The following CABIN1 variants were observed in gnomAD, a reference collection of about 807,000 sequenced individuals.
CABIN1 encodes calcineurin binding protein 1.
In CABIN1, 133 loss-of-function variants were observed where a neutral mutation model predicts 227.7. The ratio of observed to expected loss-of-function variants is 0.58; its 90% confidence interval spans 0.51 to 0.67. The LOEUF (loss-of-function observed/expected upper bound fraction) is 0.67. CABIN1 is among the 30% of genes least tolerant of loss of function. CABIN1 has a pLI of 0.00. For missense variants in CABIN1, 2,408 were observed against 2,852.5 expected (o/e 0.84, Z 3.55); for synonymous variants, 1,086 against 1,155.1 (o/e 0.94, Z 1.21).
intron 29 of CABIN1, among the ~76,000 whole-genome samples, chr22:24,147,953 G>A (rs2045253873): frequency 1.3e-5 from 2 of 152,310 alleles, no homozygotes; most frequent in South Asian, 2.1e-4. Flanking sequence ...GGAAAGCCTG[G>A]GCAAAGGCAG....
chr22:24,067,311 A>C (rs1236807459), intron 16 of CABIN1, 130 bp downstream of exon 16: 18 of 934,906 alleles, frequency 1.9e-5, no homozygotes, highest in Non-Finnish European at 3.1e-5. Context: ...CAAAACCACT[A>C]AGCCCCCAGG....
At chr22:24,156,812 G>T (rs1019923479) in intron 29 of CABIN1, among the ~76,000 whole-genome samples, 2 of 152,272 alleles carry the variant, frequency 1.3e-5, no homozygotes, top group East Asian at 3.9e-4. Flanking sequence ...TGGCGGCGGG[G>T]CTCTCCCATG....
rs372771026 is a variant in CABIN1, at chr22:24,119,482, A to G, written c.4416A>G (p.Ala1472=). The G allele has an allele frequency of 1.7e-5, 28 of 1,613,978 alleles. No individual in the cohort carries two copies. Among genetic ancestry groups the G allele is most frequent in the Non-Finnish European group, 1.5e-5 (18 of 1,180,026 alleles). Residue 1472 remains alanine (A), a synonymous_variant, in exon 28 of 37, where the codon GCA becomes GCG. Coordinates refer to ENST00000263119, the MANE Select transcript of CABIN1 (RefSeq NM_012295.4). ...ASACIPGKPS[A]STPTLWDGKK... The stretch of plus-strand genomic sequence containing the variant: ...CTTGCATCCCTGGCAAGCCCTCAGC[A>G]TCCACACCCACCCTGTGGGATGGGA...
chr22:24,097,352 C>T (rs956282259), intron 25 of CABIN1, among the ~76,000 whole-genome samples: 11 of 152,142 alleles, frequency 7.2e-5, no homozygotes, highest in African/African-American at 2.7e-4. Context: ...CTTAAATGCA[C>T]ACATACAATT....
Position 24,096,067 on chromosome 22 carries a change from C to G in CABIN1, c.3923C>G (p.Pro1308Arg). 2 of 1,614,094 alleles carry G rather than the reference C, an allele frequency of 1.2e-6. No individual in the cohort carries two copies. The highest frequency in any genetic ancestry group is 1.7e-6 in the Non-Finnish European group (2 of 1,180,010). The stretch of plus-strand genomic sequence containing the variant: ...GCCAGGGGCGAGGAGAAGAACACAC[C>G]CAAAGCTTCAGAAAAGTGAGTAGCA... ...PFARGEEKNT[P>R]KASEKEKACL... The change falls in exon 25 of 37, where the codon CCC (proline) becomes CGC (arginine). Residue 1308 changes from proline to arginine, a missense_variant. Pro to Arg is a moderately radical substitution (Grantham distance 103, BLOSUM62 -2). Transcript: ENST00000263119.
chr22:24,163,429 C>T (rs1437377442), intron 29 of CABIN1, among the ~76,000 whole-genome samples: 1 of 152,180 alleles, frequency 6.6e-6, no homozygotes, highest in Non-Finnish European at 1.5e-5. Flanking sequence ...GCAGTGGTCC[C>T]TGTAGCTGGG....
At chr22:24,023,964 C>T (rs1172167420) in intron 1 of CABIN1, among the ~76,000 whole-genome samples, 1 of 152,088 alleles carries the variant, frequency 6.6e-6, no homozygotes, top group East Asian at 1.9e-4. Flanking sequence ...AACTTCTGGC[C>T]TCAAGTGATC....
In CABIN1 at chr22:24,106,440, C is replaced by T. The variant is rs1198700808; in HGVS notation, c.4118-7126C>T. Among the ~76,000 whole-genome samples, 3 of 152,214 alleles carry T rather than the reference C, an allele frequency of 2.0e-5. No homozygotes were observed. The East Asian group carries it at 5.8e-4, about 29-fold the overall frequency. ...CAGGAATGGGGGTGGCTCTGGGTTA[C>T]ACACCACAGTCCAAACAACCCTCCC... On this transcript the variant is annotated intron_variant, in intron 26 of 36. Transcript: ENST00000263119.
chr22:24,099,912 G>A (rs2042106303), intron 26 of CABIN1, among the ~76,000 whole-genome samples: 2 of 152,234 alleles, frequency 1.3e-5, no homozygotes, highest in South Asian at 4.1e-4. Context: ...AAGCAGGAAA[G>A]GAGGGAGGCA....
chr22:24,146,036 A>T (rs975209583), intron 29 of CABIN1, among the ~76,000 whole-genome samples: 3 of 152,186 alleles, frequency 2.0e-5, no homozygotes, highest in Non-Finnish European at 4.4e-5. Context: ...TACCTCCTCT[A>T]TCACTAAGAT....
Position 24,076,150 on chromosome 22 carries a change from C to T in CABIN1, c.2633-19C>T, listed in dbSNP as rs368164482. On this transcript the variant is annotated intron_variant, in intron 18 of 36. Transcript: ENST00000263119. Reference sequence around the variant, plus strand: ...GTTCCCACACTAACTCTGTGTCTGTCGGCCTGGGCTTTCCCTAGGGATGTC... The same window carrying T: ...GTTCCCACACTAACTCTGTGTCTGTTGGCCTGGGCTTTCCCTAGGGATGTC... The T allele has an allele frequency of 5.7e-5, 91 of 1,597,618 alleles. No homozygotes were observed. The highest frequency in any genetic ancestry group is 2.0e-4 in the East Asian group (9 of 44,818).
In CABIN1 at chr22:24,050,934, G is replaced by A. The variant is rs765880337; in HGVS notation, c.766G>A (p.Glu256Lys). 8.1e-6 allele frequency: 13 copies of A among 1,614,240 alleles called. No homozygotes were observed. In the Middle Eastern group the frequency reaches 9.9e-4, roughly 123 times the overall value. The stretch of plus-strand genomic sequence containing the variant: ...GCAAGCGCTGATTGTGCGGGAGAAG[G>A]AGCCGGACCTGAAACTTGTGCAGCC... ...KRQALIVREK[E>K]PDLKLVQPIP... is the part of the protein sequence containing the mutation. Residue 256 changes from glutamate to lysine, a missense_variant, in exon 8 of 37, where the codon GAG becomes AAG. This residue lies in a region of CABIN1 where 1,045 missense variants were observed against 1,168.4 expected (regional missense o/e 0.89). Transcript: ENST00000263119.
rs1328180290 is a variant in CABIN1 at position 24,177,282 on chromosome 22, G to A, written c.6206-222G>A. 6.6e-6 allele frequency among the ~76,000 whole-genome samples: 1 copy of A among 152,180 alleles called. No individual in the cohort carries two copies. The highest frequency in any genetic ancestry group is 2.4e-5 in the African/African-American group (1 of 41,440). On this transcript the variant is annotated intron_variant, in intron 35 of 36. Transcript: ENST00000263119. This position sits in a 1 kb window ranked among gnomAD's most constrained non-coding sequence, Gnocchi z 4.4. ...GGCTTTGAGTTCATGGTGTTACTGG[G>A]TAAGGTTCACAGTCCCAGCACCCCA...
intron 7 of CABIN1, 58 bp from the exon 8 acceptor site, chr22:24,050,767 T>C: frequency 6.2e-7 from 1 of 1,606,144 alleles, no homozygotes; most frequent in Non-Finnish European, 8.5e-7. Flanking sequence ...TGTGTAAAAT[T>C]TCAGCCTCAG....
intron 27 of CABIN1, among the ~76,000 whole-genome samples, chr22:24,117,636 A>G (rs1351325231): frequency 1.3e-5 from 2 of 152,184 alleles, no homozygotes; most frequent in East Asian, 3.8e-4. Context: ...TCTTCCCTGA[A>G]GCTGGGTTTC....
chr22:24,094,823 CAA>C lies in CABIN1; in HGVS notation c.3787-1087_3787-1086del, dbSNP rs201624847. On this transcript the variant is annotated intron_variant, in intron 24 of 36. Transcript: ENST00000263119. ...TGGGCGACAGAGCGAGACTCCGTCT[CAA>C]AAAAAAAAAAAAAAAAAAAAGAAAC... Among the ~76,000 whole-genome samples, 119 of 78,350 alleles carry C rather than the reference CAA, an allele frequency of 1.5e-3. 1 individual carries two copies. The highest frequency in any genetic ancestry group is 3.9e-3 in the African/African-American group (99 of 25,276). 51.4% of individuals were successfully genotyped at this position (78,350 alleles called of 152,430 possible).
chr22:24,128,067 T>C lies in CABIN1; in HGVS notation c.4633-6235T>C, dbSNP rs1229646713. 2.0e-5 allele frequency among the ~76,000 whole-genome samples: 3 copies of C among 152,094 alleles called. No homozygotes were observed. The East Asian group carries it at 5.8e-4, about 29-fold the overall frequency. On this transcript the variant is annotated intron_variant, in intron 28 of 36. Coordinates refer to ENST00000263119, the MANE Select transcript of CABIN1 (RefSeq NM_012295.4). ...TTTCCAGATATTGCCAGATGCCTCCTTGGGGACAGACCCCCACCCCCATTG... is the reference window on the plus strand; with the variant it reads ...TTTCCAGATATTGCCAGATGCCTCCCTGGGGACAGACCCCCACCCCCATTG...
intron 16 of CABIN1, 109 bp from the exon 17 acceptor site, chr22:24,070,691 C>CT (rs1369023180): frequency 6.5e-7 from 1 of 1,540,318 alleles, no homozygotes; most frequent in Non-Finnish European, 9.0e-7. Context: ...TCGTTCTTCC[C>CT]TTTCTTTTGC....
chr22:24,160,729 G>A (rs987306552), intron 29 of CABIN1, among the ~76,000 whole-genome samples: 3 of 152,240 alleles, frequency 2.0e-5, no homozygotes, highest in Admixed American at 6.5e-5. Flanking sequence ...CCTGTTGGCC[G>A]GGAATAGCAG....
Sources: gnomAD v4.1 joint callset for allele counts (sites outside exome capture counted in the v4.1 genomes callset) on GRCh38, gnomAD v4.1.1 for gene constraint, gnomAD v4.1.1 regional missense constraint, Gnocchi (gnomAD v3.1) non-coding constraint, MANE v1.5 for transcripts, NCBI Gene and HGNC (gene_info 2026-07-23, HGNC 2026-07-21) for gene names.